Variants in ZFPM2 observed in about 807,000 individuals in gnomAD.
The protein encoded by ZFPM2 is zinc finger protein ZFPM2.
A neutral mutation model predicts 98.6 loss-of-function variants in ZFPM2; 20 were observed. That is an observed-to-expected ratio of 0.20 (90% CI 0.14 to 0.29). ZFPM2 has a LOEUF of 0.29. Ranked by LOEUF, ZFPM2 falls within the 10% of genes least tolerant of loss-of-function variation. ZFPM2 has a pLI of 1.00. For synonymous variants in ZFPM2, 518 were observed against 502.7 expected, an observed-to-expected ratio of 1.03 and a Z score of -0.41; for missense variants, 1,310 against 1,388.6, an observed-to-expected ratio of 0.94 and a Z score of 0.90.
intron 3 of ZFPM2, among the ~76,000 whole-genome samples, chr8:105,459,789 A>G (rs535161476): frequency 6.6e-6 from 1 of 152,252 alleles, no homozygotes; most frequent in East Asian, 1.9e-4. Context: ...CTTAAAGGCT[A>G]TACCTTCAAA....
intron 3 of ZFPM2, among the ~76,000 whole-genome samples, chr8:105,496,188 G>A (rs970101577): frequency 6.6e-6 from 1 of 151,850 alleles, no homozygotes; most frequent in African/African-American, 2.4e-5. Flanking sequence ...ATTTATTTTA[G>A]AGGTGTAGGG....
chr8:105,788,688 T>G, intron 5 of ZFPM2, 30 bp from the exon 6 acceptor site: 2 of 1,604,122 alleles, frequency 1.2e-6, no homozygotes, highest in South Asian at 1.1e-5. Flanking sequence ...CCTATGTCAA[T>G]TTTATCTTTT....
At chr8:105,319,052 C>T in intron 1 of ZFPM2, 71 bp downstream of exon 1, 1 of 1,439,928 alleles carries the variant, frequency 6.9e-7, no homozygotes, top group Non-Finnish European at 9.3e-7. Context: ...GACGGGAAAG[C>T]GGTGGGTGGG....
intron 3 of ZFPM2, among the ~76,000 whole-genome samples, chr8:105,475,703 A>C (rs1209987741): frequency 6.6e-6 from 1 of 152,226 alleles, no homozygotes; most frequent in East Asian, 1.9e-4. Context: ...TTTTCATGTG[A>C]ATAAGCAGTG....
At position 105,802,293 on chromosome 8, in the gene ZFPM2, G is replaced by A. The variant is rs1287756361; in HGVS notation, c.2211G>A (p.Lys737=). The change falls in exon 8 of 8, where the codon AAG becomes AAA. Residue 737 remains lysine, a synonymous_variant. Coordinates refer to ENST00000407775, the MANE Select transcript of ZFPM2 (RefSeq NM_012082.4). The part of the protein sequence containing the change: ...PAMQRTMRTR[K]RRKMYEMCLP... Reference sequence around the variant, plus strand: ...TGCAGAGAACCATGCGCACACGCAAGCGCAGAAAGATGTATGAGATGTGCC... The same window carrying A: ...TGCAGAGAACCATGCGCACACGCAAACGCAGAAAGATGTATGAGATGTGCC... 6.2e-7 allele frequency: 1 copy of A among 1,613,834 alleles called. No homozygotes were observed. The highest frequency in any genetic ancestry group is 2.2e-5 in the East Asian group (1 of 44,836).
chr8:105,769,407 G>A (rs1812933110), intron 5 of ZFPM2, among the ~76,000 whole-genome samples: 1 of 152,040 alleles, frequency 6.6e-6, no homozygotes, highest in South Asian at 2.1e-4. Flanking sequence ...CTGGGCCATG[G>A]CCAACTTCCT....
chr8:105,557,021 G>A (rs921723058), intron 3 of ZFPM2, among the ~76,000 whole-genome samples: 3 of 152,010 alleles, frequency 2.0e-5, no homozygotes, highest in African/African-American at 7.2e-5. Context: ...ACCATGTCTG[G>A]CCTCTAGTTC....
chr8:105,330,753 G>A (rs1190910883), intron 1 of ZFPM2, among the ~76,000 whole-genome samples: 1 of 149,418 alleles, frequency 6.7e-6, no homozygotes, highest in Non-Finnish European at 1.5e-5. Flanking sequence ...TTGTTTTGAT[G>A]GTTACATTGC....
At chr8:105,499,225 G>C (rs865789059) in intron 3 of ZFPM2, among the ~76,000 whole-genome samples, 14 of 150,896 alleles carry the variant, frequency 9.3e-5, no homozygotes, top group African/African-American at 2.9e-4. Flanking sequence ...TGCGACGTCA[G>C]TTTAAGGGCA....
At chr8:105,468,452 A>G (rs374699754) in intron 3 of ZFPM2, among the ~76,000 whole-genome samples, 8 of 152,128 alleles carry the variant, frequency 5.3e-5, no homozygotes, top group African/African-American at 1.9e-4. Context: ...TTCTCTATGT[A>G]TAACTGGCTG....
chr8:105,441,404 T>C (rs1342010639), intron 2 of ZFPM2, among the ~76,000 whole-genome samples: 3 of 136,152 alleles, frequency 2.2e-5, no homozygotes, highest in African/African-American at 8.9e-5. Flanking sequence ...GAGTGAAAAC[T>C]CTGTCTCAAC....
intron 3 of ZFPM2, among the ~76,000 whole-genome samples, chr8:105,542,289 C>G (rs540813393): frequency 5.3e-5 from 8 of 151,940 alleles, no homozygotes; most frequent in Non-Finnish European, 1.0e-4. Flanking sequence ...TTATTTCTCC[C>G]CTTTGAATTG....
chr8:105,736,976 A>G (rs1376491475), intron 5 of ZFPM2, among the ~76,000 whole-genome samples: 1 of 152,038 alleles, frequency 6.6e-6, no homozygotes, highest in Admixed American at 6.6e-5. Flanking sequence ...TAATTATTTT[A>G]AAGATTTTTT....
rs1811909001 is a variant in ZFPM2 at position 105,730,664 on chromosome 8, T to A, written c.533-58054T>A. Among the ~76,000 whole-genome samples, 3 of 151,732 alleles carry A rather than the reference T, an allele frequency of 2.0e-5. No individual in the cohort carries two copies. The South Asian group carries it at 6.2e-4, about 31-fold the overall frequency. The stretch of plus-strand genomic sequence containing the variant: ...GGACATTATTTTAATGGCTTCTTTT[T>A]AGGATGGCATATTTTAATACACACA... On this transcript the variant is annotated intron_variant, in intron 5 of 7. Transcript: ENST00000407775.
At chr8:105,331,539 T>G (rs140486293) in intron 1 of ZFPM2, among the ~76,000 whole-genome samples, 1 of 151,856 alleles carries the variant, frequency 6.6e-6, no homozygotes, top group African/African-American at 2.4e-5. Flanking sequence ...TCTTATGTAT[T>G]ACAGGAGGTG....
chr8:105,492,238 T>C (rs1232877087), intron 3 of ZFPM2, among the ~76,000 whole-genome samples: 3 of 152,326 alleles, frequency 2.0e-5, no homozygotes, highest in South Asian at 2.1e-4. Flanking sequence ...TCTCCACAAC[T>C]GCATCCATTG....
At chr8:105,702,036 C>G (rs1406939449) in intron 5 of ZFPM2, among the ~76,000 whole-genome samples, 1 of 152,072 alleles carries the variant, frequency 6.6e-6, no homozygotes, top group African/African-American at 2.4e-5. Context: ...CAAATAAATT[C>G]CAAACAAAAT....
At chr8:105,435,475 T>C (rs563256354) in intron 2 of ZFPM2, among the ~76,000 whole-genome samples, 140 of 152,300 alleles carry the variant, frequency 9.2e-4, no homozygotes, top group African/African-American at 3.2e-3. Context: ...TTAAATGAGT[T>C]CCTAGCTCTT....
chr8:105,318,838 CCT>C lies in ZFPM2; in HGVS notation c.-103_-102del. The C allele has an allele frequency of 1.5e-6, 1 of 674,784 alleles. No homozygotes were observed. The highest frequency in any genetic ancestry group is 1.8e-6 in the Non-Finnish European group (1 of 554,664). 41.8% of individuals were successfully genotyped at this position (674,784 alleles called of 1,614,324 possible). On this transcript the variant is annotated 5_prime_UTR_variant, in exon 1 of 8. Transcript: ENST00000407775. ...GGAGTCCGGCCGGCGGCGGGCCGAGCCTGGCCAGCGGCGGCGGCGGCGGCGGC... is the reference window on the plus strand; with the variant it reads ...GGAGTCCGGCCGGCGGCGGGCCGAGCGGCCAGCGGCGGCGGCGGCGGCGGC...
Sources: gnomAD v4.1 joint callset for allele counts (sites outside exome capture counted in the v4.1 genomes callset) on GRCh38, gnomAD v4.1.1 for gene constraint, MANE v1.5 for transcripts, NCBI Gene and HGNC (gene_info 2026-07-23, HGNC 2026-07-21) for gene names.